FOXP1: variants seen among roughly 807,000 people sequenced by gnomAD.
The protein encoded by FOXP1 is forkhead box P1, also known as forkhead box protein P1.
In FOXP1, 15 loss-of-function variants were observed where a neutral mutation model predicts 98.2. That is an observed-to-expected ratio of 0.15 (90% CI 0.10 to 0.24). The LOEUF is 0.24. Among genes scored for constraint, FOXP1 ranks in the 10% least tolerant of loss-of-function variants. The pLI is 1.00. For missense variants in FOXP1, 633 were observed against 848.5 expected (o/e 0.75, Z 3.15); for synonymous variants, 371 against 314.5 (o/e 1.18, Z -1.90).
intron 5 of FOXP1, among the ~76,000 whole-genome samples, chr3:71,236,703 C>T (rs2066808629): frequency 6.6e-6 from 1 of 151,836 alleles, no homozygotes; most frequent in Admixed American, 6.6e-5. Context: ...GACCTTATCT[C>T]CACAAGAGAC....
At chr3:71,025,288 G>A (rs934911889) in intron 11 of FOXP1, among the ~76,000 whole-genome samples, 6 of 151,948 alleles carry the variant, frequency 3.9e-5, no homozygotes, top group African/African-American at 1.5e-4. Context: ...AGTGCTTCTC[G>A]AACTTTATTA....
At chr3:71,581,428 C>G in intron 2 of FOXP1, 121 bp downstream of exon 2, 1 of 985,496 alleles carries the variant, frequency 1.0e-6, no homozygotes, top group Non-Finnish European at 1.2e-6. Flanking sequence ...TTCCTCGCTC[C>G]CGGTGCCTTA....
chr3:71,214,197 C>T (rs867408281), intron 5 of FOXP1, among the ~76,000 whole-genome samples: 1 of 152,234 alleles, frequency 6.6e-6, no homozygotes, highest in Admixed American at 6.5e-5. Flanking sequence ...CATCCATGTG[C>T]TATCATGTGG....
chr3:71,371,172 T>G (rs2079286626), intron 3 of FOXP1, among the ~76,000 whole-genome samples: 1 of 152,200 alleles, frequency 6.6e-6, no homozygotes, highest in Non-Finnish European at 1.5e-5. Flanking sequence ...CTTCCGCCAC[T>G]GCTGCTGGTT....
chr3:71,492,150 G>A (rs2091103942), intron 3 of FOXP1, among the ~76,000 whole-genome samples: 1 of 152,046 alleles, frequency 6.6e-6, no homozygotes, highest in Admixed American at 6.6e-5. Context: ...TACATGCTTT[G>A]TTTTAGATAT....
At chr3:70,973,109 G>C (rs1043963821) in intron 17 of FOXP1, among the ~76,000 whole-genome samples, 1 of 152,184 alleles carries the variant, frequency 6.6e-6, no homozygotes, top group African/African-American at 2.4e-5. Flanking sequence ...GCTAAATACA[G>C]TTTTGTTCTT....
intron 6 of FOXP1, among the ~76,000 whole-genome samples, chr3:71,132,877 C>A (rs1335065033): frequency 2.6e-5 from 4 of 151,948 alleles, no homozygotes; most frequent in Non-Finnish European, 5.9e-5. Context: ...TTTCAAGACA[C>A]CTCTGCCATG....
At chr3:71,564,491 G>C (rs1008600972) in intron 2 of FOXP1, among the ~76,000 whole-genome samples, 3 of 152,166 alleles carry the variant, frequency 2.0e-5, no homozygotes, top group Non-Finnish European at 4.4e-5. Flanking sequence ...GAAGATCAAG[G>C]TAAATCAGAA....
At chr3:71,244,981 A>G (rs2067611475) in intron 5 of FOXP1, 1 of 151,884 alleles carries the variant, frequency 6.6e-6, no homozygotes, top group South Asian at 2.1e-4. Context: ...AGGAAAAAAG[A>G]AAAAAAGAAA....
At chr3:71,517,603 G>A (rs2042676619) in intron 2 of FOXP1, among the ~76,000 whole-genome samples, 1 of 152,146 alleles carries the variant, frequency 6.6e-6, no homozygotes, top group Non-Finnish European at 1.5e-5. Flanking sequence ...CAGGAACACT[G>A]AACTGGTATC....
At chr3:71,174,785 TACACACACACACAC>T (rs3064896) in intron 6 of FOXP1, among the ~76,000 whole-genome samples, 26 of 131,758 alleles carry the variant, frequency 2.0e-4, no homozygotes, top group East Asian at 4.6e-4. Context: ...TGCACATGCA[TACACACACACACAC>T]ACACACACAC....
chr3:71,575,860 G>C (rs1279390862), intron 2 of FOXP1, among the ~76,000 whole-genome samples: 1 of 152,222 alleles, frequency 6.6e-6, no homozygotes, highest in Non-Finnish European at 1.5e-5. Context: ...TGCACAGCTG[G>C]GAGGGAGAAA....
intron 5 of FOXP1, among the ~76,000 whole-genome samples, chr3:71,270,248 G>C (rs2070206793): frequency 6.6e-6 from 1 of 152,162 alleles, no homozygotes; most frequent in South Asian, 2.1e-4. Context: ...TAAATTCATG[G>C]AAACACAGCA....
At chr3:71,407,306 G>C (rs1031167953) in intron 3 of FOXP1, among the ~76,000 whole-genome samples, 2 of 152,112 alleles carry the variant, frequency 1.3e-5, no homozygotes, top group African/African-American at 4.8e-5. Flanking sequence ...TTGGAGGCTG[G>C]GGTGGGGGGT....
chr3:71,419,307 T>G (rs2108317859), intron 3 of FOXP1, among the ~76,000 whole-genome samples: 1 of 149,220 alleles, frequency 6.7e-6, no homozygotes, highest in East Asian at 2.0e-4. Context: ...CAGCATCTAT[T>G]CAATCAGTTA....
chr3:71,327,481 G>A (rs1483262095), intron 4 of FOXP1, among the ~76,000 whole-genome samples: 1 of 147,842 alleles, frequency 6.8e-6, no homozygotes, highest in Non-Finnish European at 1.5e-5. Context: ...TCCGCCTCCC[G>A]GGTTCACGCC....
At chr3:71,223,964 C>T (rs2065626676) in intron 5 of FOXP1, among the ~76,000 whole-genome samples, 1 of 152,110 alleles carries the variant, frequency 6.6e-6, no homozygotes, top group African/African-American at 2.4e-5. Context: ...AATCACGCTC[C>T]CTAGTATGGC....
intron 2 of FOXP1, among the ~76,000 whole-genome samples, chr3:71,518,186 A>T (rs548080344): frequency 9.5e-4 from 144 of 152,188 alleles, no homozygotes; most frequent in African/African-American, 2.7e-3. Flanking sequence ...ATCTCTAAGA[A>T]CTCTAAGAAA....
chr3:71,314,530 A>AATATATATATAT (rs59655430), intron 4 of FOXP1, among the ~76,000 whole-genome samples: 11 of 143,398 alleles, frequency 7.7e-5, no homozygotes, highest in African/African-American at 2.8e-4. Context: ...CCGTCTAAAA[A>AATATATATATAT]ATATATATAT....
Sources: allele counts gnomAD v4.1 joint callset (sites outside exome capture counted in the v4.1 genomes callset), GRCh38; gene constraint gnomAD v4.1.1; transcripts MANE v1.5; gene names NCBI Gene and HGNC (gene_info 2026-07-23, HGNC 2026-07-21).